NXNL2: variants seen among roughly 807,000 people sequenced by gnomAD.
The protein encoded by NXNL2 is nucleoredoxin-like protein 2.
NXNL2 carries 7 observed loss-of-function variants against 11.1 expected under a neutral mutation model. The observed-to-expected ratio is 0.63, with a 90% CI of 0.36 to 1.18. The LOEUF (loss-of-function observed/expected upper bound fraction) is 1.18. Among genes scored for constraint, NXNL2 ranks in the 50% most tolerant of loss-of-function variants. The pLI is 0.02. For synonymous variants in NXNL2, 109 were observed against 101.8 expected (o/e 1.07, Z -0.42); for missense variants, 233 against 217.7 (o/e 1.07, Z -0.44).
At chr9:88,551,516 T>C (rs983832425) in intron 1 of NXNL2, among the ~76,000 whole-genome samples, 2 of 152,112 alleles carry the variant, frequency 1.3e-5, no homozygotes, top group African/African-American at 4.8e-5. Context: ...TCCCTTCCTA[T>C]CTCTCTTTCA....
intron 1 of NXNL2, 125 bp downstream of exon 1, chr9:88,535,861 T>G: frequency 1.4e-6 from 1 of 727,860 alleles, no homozygotes; most frequent in Non-Finnish European, 2.2e-6. Context: ...CGTCTCTCGG[T>G]TCACGTCCGG....
chr9:88,552,473 G>GGTTTTTTTT (rs796387920), intron 1 of NXNL2, among the ~76,000 whole-genome samples: 26 of 131,562 alleles, frequency 2.0e-4, no homozygotes, highest in African/African-American at 7.0e-4. Flanking sequence ...AAACATGCAT[G>GGTTTTTTTT]TTTTTTTTTT....
intron 1 of NXNL2, among the ~76,000 whole-genome samples, chr9:88,564,494 G>T (rs1454836717): frequency 6.6e-6 from 1 of 151,960 alleles, no homozygotes; most frequent in Non-Finnish European, 1.5e-5. Context: ...TCAGCTCACT[G>T]CAACCTCCGC....
downstream of NXNL2, among the ~76,000 whole-genome samples, chr9:88,578,977 G>A (rs142702137): frequency 1.9e-3 from 284 of 152,306 alleles, no homozygotes; most frequent in Non-Finnish European, 2.3e-3. Context: ...TCTGCTCCCC[G>A]CCCAGGAACT....
chr9:88,579,084 C>A (rs1830380722), downstream of NXNL2, among the ~76,000 whole-genome samples: 1 of 152,216 alleles, frequency 6.6e-6, no homozygotes, highest in Non-Finnish European at 1.5e-5. Flanking sequence ...TGGGGGCACG[C>A]TGGCCAATGT....
At chr9:88,570,180 G>A (rs544053034) in intron 1 of NXNL2, among the ~76,000 whole-genome samples, 6 of 152,184 alleles carry the variant, frequency 3.9e-5, no homozygotes, top group South Asian at 4.2e-4. Context: ...GTGCAGGGGT[G>A]TGATCTCAGC....
chr9:88,553,627 G>T (rs1441841028), intron 1 of NXNL2, among the ~76,000 whole-genome samples: 2 of 152,116 alleles, frequency 1.3e-5, no homozygotes, highest in African/African-American at 2.4e-5. Context: ...AGTCCAACAG[G>T]GTAAGAAGAA....
chr9:88,535,238 T>G lies in NXNL2; in HGVS notation c.-197T>G, dbSNP rs1409825135. ...GGTCTCTGGTGTCTGAGTGTCTCAT[T>G]GTCGGCGCGAACACAATTGCTCCAG... On this transcript the variant is annotated 5_prime_UTR_variant, in exon 1 of 2. In the 5' UTR this introduces an upstream ATG that the reference lacks. Transcript: ENST00000375854. The G allele has an allele frequency of 3.5e-6, 2 of 570,686 alleles. No individual in the cohort carries two copies. Among genetic ancestry groups the G allele is most frequent in the African/African-American group, 4.0e-5 (2 of 50,424 alleles). The allele number at this position is 570,686 out of a possible 1,614,324, so 35.4% of individuals were successfully genotyped here. A position where few individuals can be genotyped will look rare whatever the true frequency, so the allele number is the denominator to read the frequency against.
At position 88,557,451 on chromosome 9, in the gene NXNL2, C is replaced by T. The variant is rs549258632; in HGVS notation, c.303-13636C>T. 3.3e-4 allele frequency among the ~76,000 whole-genome samples: 51 copies of T among 152,254 alleles called. No individual in the cohort carries two copies. In the South Asian group the frequency reaches 1.0e-2, roughly 30 times the overall value. On this transcript the variant is annotated intron_variant, in intron 1 of 2. Coordinates refer to the NXNL2 transcript ENST00000375855. Reference sequence around the variant, plus strand: ...TTCTGCAGAGATCACAGGGTGAGCACGTTCTTAAGGTAAACGTGAATTAAG... The same window carrying T: ...TTCTGCAGAGATCACAGGGTGAGCATGTTCTTAAGGTAAACGTGAATTAAG...
chr9:88,540,059 G>A (rs963512838), intron 1 of NXNL2, among the ~76,000 whole-genome samples: 23 of 152,014 alleles, frequency 1.5e-4, no homozygotes, highest in Admixed American at 4.6e-4. Context: ...GCGGCCGGGC[G>A]TGGTGGCTCA....
At chr9:88,553,092 G>GT (rs547999621) in intron 1 of NXNL2, among the ~76,000 whole-genome samples, 2 of 152,094 alleles carry the variant, frequency 1.3e-5, no homozygotes, top group Non-Finnish European at 2.9e-5. Context: ...AGTGAATGCC[G>GT]TAATAATTGC....
intron 1 of NXNL2, among the ~76,000 whole-genome samples, chr9:88,553,684 G>A (rs1408038679): frequency 6.6e-6 from 1 of 152,004 alleles, no homozygotes; most frequent in Non-Finnish European, 1.5e-5. Context: ...GGCTGGCTAG[G>A]GACATAAGAA....
chr9:88,564,976 G>A (rs543891604), intron 1 of NXNL2, among the ~76,000 whole-genome samples: 1 of 152,226 alleles, frequency 6.6e-6, no homozygotes, highest in African/African-American at 2.4e-5. Flanking sequence ...TTATTCATGT[G>A]GCACAGATGA....
In NXNL2 at chr9:88,535,243, G is replaced by A. The variant is rs1490895869; in HGVS notation, c.-192G>A. 1.7e-6 allele frequency: 1 copy of A among 572,226 alleles called. No individual in the cohort carries two copies. The highest frequency in any genetic ancestry group is 3.0e-6 in the Non-Finnish European group (1 of 330,366). The allele number at this position is 572,226 out of a possible 1,614,324, so 35.4% of individuals were successfully genotyped here. On this transcript the variant is annotated 5_prime_UTR_variant, in exon 1 of 2. Transcript: ENST00000375854. ...CTGGTGTCTGAGTGTCTCATTGTCG[G>A]CGCGAACACAATTGCTCCAGCCACA... is the stretch of plus-strand genomic sequence containing the variant.
intron 1 of NXNL2, among the ~76,000 whole-genome samples, chr9:88,565,207 G>T (rs948305612): frequency 3.3e-5 from 5 of 152,138 alleles, no homozygotes; most frequent in African/African-American, 1.2e-4. Flanking sequence ...CTTTTGTAAG[G>T]CTGGATAACA....
chr9:88,546,973 T>C (rs957569950), downstream of NXNL2, among the ~76,000 whole-genome samples: 1 of 152,228 alleles, frequency 6.6e-6, no homozygotes, highest in African/African-American at 2.4e-5. Flanking sequence ...TTTTTCCGTG[T>C]GTACACATTG....
At position 88,535,564 on chromosome 9, in the gene NXNL2, T is replaced by C. The variant is rs1443768022; in HGVS notation, c.130T>C (p.Phe44Leu). 2 of 1,609,516 alleles carry C rather than the reference T, an allele frequency of 1.2e-6. No individual in the cohort carries two copies. Among genetic ancestry groups the C allele is most frequent in the Non-Finnish European group, 8.5e-7 (1 of 1,179,274 alleles). The change falls in exon 1 of 2, where the codon TTC becomes CTC. Residue 44 changes from phenylalanine (F) to leucine (L), a missense_variant. Phe to Leu is a conservative substitution (Grantham distance 22, BLOSUM62 0). Coordinates refer to ENST00000375854, the MANE Select transcript of NXNL2 (RefSeq NM_001161625.2). Reference sequence around the variant, plus strand: ...GGCCCGGTGCGCGCCGAGCCGCGACTTCACGCCGCTGCTCTGCGACTTCTA... The same window carrying C: ...GGCCCGGTGCGCGCCGAGCCGCGACCTCACGCCGCTGCTCTGCGACTTCTA... ...AAARCAPSRD[F>L]TPLLCDFYTA... is the part of the protein sequence containing the mutation.
At chr9:88,568,285 C>A (rs892189958) in intron 1 of NXNL2, among the ~76,000 whole-genome samples, 1 of 151,868 alleles carries the variant, frequency 6.6e-6, no homozygotes, top group African/African-American at 2.4e-5. Flanking sequence ...TGGCTAGTGG[C>A]TACTGAATGG....
chr9:88,536,875 G>A (rs2118388528), intron 1 of NXNL2, among the ~76,000 whole-genome samples: 1 of 152,330 alleles, frequency 6.6e-6, no homozygotes, highest in Middle Eastern at 3.4e-3. Context: ...TATTGATAAT[G>A]AATCTCCAAG....
Sources: allele counts gnomAD v4.1 joint callset (sites outside exome capture counted in the v4.1 genomes callset), GRCh38; gene constraint gnomAD v4.1.1; transcripts MANE v1.5; gene names NCBI Gene and HGNC (gene_info 2026-07-23, HGNC 2026-07-21).